HIVEP1: variants seen among roughly 807,000 people sequenced by gnomAD.
HIVEP1 encodes zinc finger protein 40.
HIVEP1 carries 36 observed loss-of-function variants against 180.0 expected under a neutral mutation model. The observed-to-expected ratio is 0.20, with a 90% confidence interval of 0.15 to 0.26. The LOEUF (loss-of-function observed/expected upper bound fraction) is 0.26. Ranked by LOEUF, HIVEP1 falls within the 10% of genes least tolerant of loss-of-function variation. The pLI is 1.00. For synonymous variants in HIVEP1, 1,239 were observed against 1,239.0 expected (o/e 1.00, Z 0.00); for missense variants, 3,143 against 3,268.7 (o/e 0.96, Z 0.94).
intron 2 of HIVEP1, among the ~76,000 whole-genome samples, chr6:12,051,016 A>ATATATATATATATATATATATATATG (rs1337110740): frequency 9.6e-4 from 131 of 135,798 alleles, no homozygotes; most frequent in Admixed American, 1.6e-3. Context: ...ATATATATAT[A>ATATATATATATATATATATATATATG]TATATATATA....
the HIVEP1 span, among the ~76,000 whole-genome samples, chr6:12,204,402 C>A: frequency 3.2e-4 from 9 of 28,476 alleles, no homozygotes; most frequent in Non-Finnish European, 6.8e-4. Context: ...CCCTTTCCCC[C>A]GCTTCCCTCA....
chr6:12,070,308 A>G (rs13195225), intron 2 of HIVEP1, among the ~76,000 whole-genome samples: 33,961 of 152,190 alleles, frequency 0.22, 4,324 homozygotes, highest in East Asian at 0.47. Flanking sequence ...CTGGCAGTGC[A>G]GTGGGTTTGT....
intron 3 of HIVEP1, among the ~76,000 whole-genome samples, chr6:12,097,350 A>G (rs1251761740): frequency 6.7e-6 from 1 of 150,316 alleles, no homozygotes; most frequent in Non-Finnish European, 1.5e-5. Context: ...AATAGATAGG[A>G]AAGAAAAAGT....
rs1490698873 is a variant in HIVEP1, at chr6:12,164,177, G to A, written c.7873G>A (p.Ala2625Thr). 5 of 1,614,226 alleles carry A rather than the reference G, an allele frequency of 3.1e-6. No individual in the cohort carries two copies. The change falls in exon 9 of 9, where the codon GCA (alanine) becomes ACA (threonine). Residue 2625 changes from alanine to threonine, a missense_variant. Physicochemically the swap from Ala to Thr is moderately conservative, Grantham distance 58 (BLOSUM62 0). Around this residue, in one of 12 missense-constraint regions of HIVEP1, gnomAD observed 595 missense variants for 602.2 expected, o/e 0.99. Transcript: ENST00000379388. Reference sequence around the variant, plus strand: ...TCCACCTGCCCCTGCAGGTGACCATGCAAGGCTTGATGGCCTGAGTAAAAT... The same window carrying A: ...TCCACCTGCCCCTGCAGGTGACCATACAAGGCTTGATGGCCTGAGTAAAAT... ...LNPPAPAGDH[A>T]RLDGLSKMDT...
intron 7 of HIVEP1, among the ~76,000 whole-genome samples, chr6:12,158,258 A>T (rs1385560428): frequency 3.3e-5 from 5 of 152,044 alleles, no homozygotes; most frequent in Admixed American, 6.5e-5. Context: ...TCTCCTTCCT[A>T]GAGGCCTTTA....
At chr6:12,032,495 A>G (rs180847149) in intron 2 of HIVEP1, among the ~76,000 whole-genome samples, 1 of 152,190 alleles carries the variant, frequency 6.6e-6, no homozygotes, top group East Asian at 1.9e-4. Context: ...TTAGTGGGGG[A>G]AAAAAAGCAA....
chr6:12,123,205 A>G lies in HIVEP1; in HGVS notation c.3410A>G (p.Gln1137Arg), dbSNP rs1183744432. The change falls in exon 4 of 9, where the codon CAG becomes CGG. Residue 1137 changes from glutamine to arginine, a missense_variant. Gln to Arg is a conservative substitution (Grantham distance 43). Coordinates refer to ENST00000379388, the MANE Select transcript of HIVEP1 (RefSeq NM_002114.4). ...CACGGAACTGGAATCTCTGTCATCC[A>G]GCACACCAACTCCCTGAGCAGGCCC... The part of the protein sequence containing the change: ...QRHGTGISVI[Q>R]HTNSLSRPNS... 1.9e-6 allele frequency: 3 copies of G among 1,614,112 alleles called. No homozygotes were observed. Among genetic ancestry groups the G allele is most frequent in the Admixed American group, 1.7e-5 (1 of 60,008 alleles).
chr6:12,167,537 GTA>G (rs1290740456), downstream of HIVEP1, among the ~76,000 whole-genome samples: 2 of 38,144 alleles, frequency 5.2e-5, no homozygotes, highest in African/African-American at 3.5e-4. Flanking sequence ...ATATATATTT[GTA>G]TATATATAAT....
intron 2 of HIVEP1, among the ~76,000 whole-genome samples, chr6:12,027,435 T>G (rs911317439): frequency 3.3e-5 from 5 of 152,206 alleles, no homozygotes; most frequent in Non-Finnish European, 5.9e-5. Flanking sequence ...TAGTTCTTGA[T>G]TTTCTGATAC....
intron 2 of HIVEP1, among the ~76,000 whole-genome samples, chr6:12,056,742 A>G (rs1250624750): frequency 6.6e-6 from 1 of 152,204 alleles, no homozygotes; most frequent in Non-Finnish European, 1.5e-5. Flanking sequence ...TCACAGTTAA[A>G]TACAAGTTAG....
chr6:12,195,957 A>G, the HIVEP1 span, among the ~76,000 whole-genome samples: 1 of 152,220 alleles, frequency 6.6e-6, no homozygotes, highest in South Asian at 2.1e-4. Context: ...AAAGCCCACT[A>G]CCATAAACAC....
chr6:12,164,134 T>C lies in HIVEP1; in HGVS notation c.7830T>C (p.Asn2610=). 6.2e-7 allele frequency: 1 copy of C among 1,613,884 alleles called. No individual in the cohort carries two copies. Among genetic ancestry groups the C allele is most frequent in the Non-Finnish European group, 8.5e-7 (1 of 1,179,988 alleles). The change falls in exon 9 of 9, where the codon AAT becomes AAC. Residue 2610 remains asparagine (N), a synonymous_variant. Coordinates refer to ENST00000379388, the MANE Select transcript of HIVEP1 (RefSeq NM_002114.4). ...GGTTACCTACAGTCCAGCGGGAAAA[T>C]GCAAAAAAAGTTCTGAATCCACCTG... ...PQGLPTVQRE[N]AKKVLNPPAP...
At chr6:12,103,329 GT>G (rs956621590) in intron 3 of HIVEP1, among the ~76,000 whole-genome samples, 1 of 152,116 alleles carries the variant, frequency 6.6e-6, no homozygotes, top group Non-Finnish European at 1.5e-5. Flanking sequence ...CATTATCTGT[GT>G]TTTGCAGATA....
intron 2 of HIVEP1, among the ~76,000 whole-genome samples, chr6:12,047,018 G>A (rs879447054): frequency 6.6e-6 from 1 of 151,552 alleles, no homozygotes; most frequent in African/African-American, 2.4e-5. Flanking sequence ...CCACCACCAC[G>A]CCTGGCTAAT....
intron 2 of HIVEP1, among the ~76,000 whole-genome samples, chr6:12,016,175 C>T (rs551231296): frequency 6.6e-5 from 10 of 152,226 alleles, no homozygotes; most frequent in African/African-American, 1.2e-4. Flanking sequence ...TTATTTTCCA[C>T]GAAGAAGCAG....
At chr6:12,069,005 A>G (rs547782675) in intron 2 of HIVEP1, among the ~76,000 whole-genome samples, 1 of 152,346 alleles carries the variant, frequency 6.6e-6, no homozygotes, top group South Asian at 2.1e-4. Context: ...ATGTGTGCAC[A>G]TACACAAAAA....
chr6:12,096,513 A>G (rs1050620760), intron 3 of HIVEP1, among the ~76,000 whole-genome samples: 2 of 150,348 alleles, frequency 1.3e-5, no homozygotes, highest in Admixed American at 6.7e-5. Flanking sequence ...CTACTTTTCT[A>G]CATTAAAAAA....
At chr6:12,058,406 T>C (rs1246455058) in intron 2 of HIVEP1, among the ~76,000 whole-genome samples, 2 of 152,192 alleles carry the variant, frequency 1.3e-5, no homozygotes, top group Non-Finnish European at 2.9e-5. Flanking sequence ...CACTCCCAAG[T>C]TGGCTGGCTC....
chr6:12,030,216 A>G (rs1768848960), intron 2 of HIVEP1, among the ~76,000 whole-genome samples: 1 of 151,706 alleles, frequency 6.6e-6, no homozygotes, highest in African/African-American at 2.4e-5. Flanking sequence ...GGTTCTTTCC[A>G]TTTGTTTCTC....
Sources: gnomAD v4.1 joint callset for allele counts (sites outside exome capture counted in the v4.1 genomes callset) on GRCh38, gnomAD v4.1.1 for gene constraint, gnomAD v4.1.1 regional missense constraint, MANE v1.5 for transcripts, NCBI Gene and HGNC (gene_info 2026-07-23, HGNC 2026-07-21) for gene names.